Variants in CEP112 observed in about 807,000 individuals in gnomAD.
CEP112 encodes centrosomal protein 112.
CEP112 carries 127 observed loss-of-function variants against 153.0 expected under a neutral mutation model. That is an observed-to-expected ratio of 0.83 (90% CI 0.72 to 0.96). The LOEUF is 0.96. Ranked by LOEUF, CEP112 falls within the 40% of genes least tolerant of loss-of-function variation. The pLI is 0.00. For synonymous variants in CEP112, 358 were observed against 374.4 expected (o/e 0.96, Z 0.51); for missense variants, 1,089 against 1,101.2 (o/e 0.99, Z 0.16).
At chr17:65,949,951 G>A (rs1248179694) in intron 18 of CEP112, among the ~76,000 whole-genome samples, 1 of 152,012 alleles carries the variant, frequency 6.6e-6, no homozygotes, top group Non-Finnish European at 1.5e-5. Context: ...TTTTGGACAT[G>A]TATTTTCTAA....
chr17:65,805,108 A>C (rs2055520897), intron 21 of CEP112, among the ~76,000 whole-genome samples: 1 of 152,110 alleles, frequency 6.6e-6, no homozygotes, highest in African/African-American at 2.4e-5. Flanking sequence ...TTTGGCTCCC[A>C]AAGTGCTGAA....
At chr17:66,069,441 T>C (rs1034279569) in intron 9 of CEP112, among the ~76,000 whole-genome samples, 2 of 152,122 alleles carry the variant, frequency 1.3e-5, no homozygotes, top group Admixed American at 6.6e-5. Context: ...CCCAATGAGC[T>C]ACTTGAAAAA....
chr17:66,168,421 GTGTA>G (rs760157147), intron 4 of CEP112, among the ~76,000 whole-genome samples: 100 of 141,438 alleles, frequency 7.1e-4, no homozygotes, highest in African/African-American at 2.1e-3. Flanking sequence ...GTGTGTGTGT[GTGTA>G]TATATATGTA....
intron 11 of CEP112, among the ~76,000 whole-genome samples, chr17:66,058,196 G>A (rs182661026): frequency 7.2e-5 from 11 of 151,994 alleles, no homozygotes; most frequent in Admixed American, 3.9e-4. Flanking sequence ...AGAAAAAGAC[G>A]TACCCTTGTA....
rs567360618 is a variant in CEP112 at position 66,072,628 on chromosome 17, C to T, written c.769-2627G>A. ...TTCATTGCATCATATTAGAAGGAGGCTAGTTTGTCCCAATATCTCCAATGT... is the reference window on the plus strand; with the variant it reads ...TTCATTGCATCATATTAGAAGGAGGTTAGTTTGTCCCAATATCTCCAATGT... On this transcript the variant is annotated intron_variant, in intron 8 of 26. Transcript: ENST00000535342. 3.3e-5 allele frequency among the ~76,000 whole-genome samples: 5 copies of T among 152,226 alleles called. No homozygotes were observed. In the South Asian group the frequency reaches 1.0e-3, roughly 32 times the overall value.
chr17:65,750,377 T>G (rs2051746899), intron 22 of CEP112, among the ~76,000 whole-genome samples: 1 of 152,190 alleles, frequency 6.6e-6, no homozygotes, highest in South Asian at 2.1e-4. Context: ...CTGGGCTTGT[T>G]CAAGTGTATA....
intron 4 of CEP112, among the ~76,000 whole-genome samples, chr17:66,149,283 G>C (rs934233949): frequency 1.3e-5 from 2 of 152,232 alleles, no homozygotes; most frequent in East Asian, 3.9e-4. Context: ...CAGGATATTG[G>C]CCTATAGTTT....
At chr17:66,161,831 T>TA (rs893736534) in intron 4 of CEP112, among the ~76,000 whole-genome samples, 32 of 150,008 alleles carry the variant, frequency 2.1e-4, no homozygotes, top group African/African-American at 7.1e-4. Context: ...TAAAGTATAT[T>TA]AAAAAAAAGA....
chr17:66,099,356 T>C (rs1380549522), intron 6 of CEP112, among the ~76,000 whole-genome samples: 1 of 151,836 alleles, frequency 6.6e-6, no homozygotes, highest in African/African-American at 2.4e-5. Context: ...ATACAAAAAT[T>C]GGCTGGGCTT....
chr17:66,118,662 G>T (rs929155449), intron 6 of CEP112, among the ~76,000 whole-genome samples: 2 of 151,982 alleles, frequency 1.3e-5, no homozygotes, highest in Non-Finnish European at 2.9e-5. Flanking sequence ...GCATGGTAGG[G>T]TAACTATAGT....
chr17:65,742,919 T>A (rs1338978732), intron 23 of CEP112, 149 bp downstream of exon 23: 1 of 582,872 alleles, frequency 1.7e-6, no homozygotes, highest in Non-Finnish European at 2.9e-6. Flanking sequence ...ACTGGATACA[T>A]CAAAGGTAGA....
chr17:66,159,955 G>A (rs147061693), intron 4 of CEP112, among the ~76,000 whole-genome samples: 34 of 152,178 alleles, frequency 2.2e-4, no homozygotes, highest in South Asian at 4.1e-4. Flanking sequence ...TTGTCTCGGC[G>A]CAAAAACTAC....
chr17:65,999,326 T>C (rs11657885), intron 17 of CEP112, among the ~76,000 whole-genome samples: 62,130 of 151,332 alleles, frequency 0.41, 14,216 homozygotes, highest in East Asian at 0.87. Context: ...CTCAGCCTCC[T>C]GAGTAGCTGG....
Position 66,030,978 on chromosome 17 carries a change from G to C in CEP112, c.1219-955C>G, listed in dbSNP as rs1166494443. On this transcript the variant is annotated intron_variant, in intron 12 of 26. Transcript: ENST00000535342. ...CCTTTCTTCATTACAATACCAAATAGGTATACAAGTTAAATTTTGGTGTAA... is the reference window on the plus strand; with the variant it reads ...CCTTTCTTCATTACAATACCAAATACGTATACAAGTTAAATTTTGGTGTAA... Among the ~76,000 whole-genome samples the C allele has an allele frequency of 6.6e-5, 10 of 151,970 alleles. No homozygotes were observed. The East Asian group carries it at 1.9e-3, about 29-fold the overall frequency.
intron 21 of CEP112, among the ~76,000 whole-genome samples, chr17:65,765,644 C>G: frequency 6.6e-6 from 1 of 152,012 alleles, no homozygotes; most frequent in East Asian, 1.9e-4. Flanking sequence ...AGAAGGACCC[C>G]AAGAGCCTGT....
At chr17:66,066,379 AAAG>A (rs1273376090) in intron 10 of CEP112, among the ~76,000 whole-genome samples, 1 of 152,232 alleles carries the variant, frequency 6.6e-6, no homozygotes, top group Non-Finnish European at 1.5e-5. Flanking sequence ...TTTACTAGAT[AAAG>A]AAGAATAATT....
intron 1 of CEP112, among the ~76,000 whole-genome samples, chr17:66,187,983 G>A (rs199696551): frequency 2.0e-5 from 3 of 152,104 alleles, no homozygotes; most frequent in East Asian, 3.9e-4. Flanking sequence ...AATAAATGCT[G>A]AGAAATATCT....
intron 23 of CEP112, among the ~76,000 whole-genome samples, chr17:65,718,749 T>C (rs561605875): frequency 1.7e-4 from 26 of 152,320 alleles, no homozygotes; most frequent in African/African-American, 5.8e-4. Flanking sequence ...AAATCCAACA[T>C]TGCAGACCTT....
intron 8 of CEP112, among the ~76,000 whole-genome samples, chr17:66,075,514 A>C (rs2067458595): frequency 6.6e-6 from 1 of 152,192 alleles, no homozygotes; most frequent in Non-Finnish European, 1.5e-5. Flanking sequence ...AGAAAGGAGC[A>C]ACAGAGTAGT....
Sources: allele counts gnomAD v4.1 joint callset (sites outside exome capture counted in the v4.1 genomes callset), GRCh38; gene constraint gnomAD v4.1.1; transcripts MANE v1.5; gene names NCBI Gene and HGNC (gene_info 2026-07-23, HGNC 2026-07-21).